The following CSMD1 variants were observed in gnomAD, a reference collection of about 807,000 sequenced individuals.
CSMD1 encodes CUB and Sushi multiple domains 1.
In CSMD1, 213 loss-of-function variants were observed where a neutral mutation model predicts 417.5. The ratio of observed to expected loss-of-function variants is 0.51; its 90% CI spans 0.46 to 0.57. The LOEUF is 0.57. Ranked by LOEUF, CSMD1 falls within the 20% of genes least tolerant of loss-of-function variation. CSMD1 has a pLI of 0.00. For missense variants in CSMD1, 6,923 were observed against 4,529.7 expected (o/e 1.53, Z -15.17); for synonymous variants, 2,862 against 1,736.8 (o/e 1.65, Z -16.11).
chr8:3,352,338 A>T (rs1808476754), intron 21 of CSMD1, among the ~76,000 whole-genome samples: 1 of 152,222 alleles, frequency 6.6e-6, no homozygotes. Context: ...AAAGACTTTA[A>T]ACAAAAACAC....
At chr8:4,388,163 T>C (rs1273520661) in intron 3 of CSMD1, among the ~76,000 whole-genome samples, 2 of 152,190 alleles carry the variant, frequency 1.3e-5, no homozygotes, top group African/African-American at 4.8e-5. Flanking sequence ...ACAGTCCCAC[T>C]AATGGGCATC....
At chr8:3,545,609 G>A (rs777481045) in intron 10 of CSMD1, among the ~76,000 whole-genome samples, 1 of 152,160 alleles carries the variant, frequency 6.6e-6, no homozygotes, top group Non-Finnish European at 1.5e-5. Flanking sequence ...GCTCTCCACT[G>A]CCGTAACCCA....
chr8:3,252,766 C>T (rs1047509122), intron 26 of CSMD1, among the ~76,000 whole-genome samples: 2 of 152,192 alleles, frequency 1.3e-5, no homozygotes, highest in Non-Finnish European at 2.9e-5. Context: ...TTCAGAGATT[C>T]AACTTCTTCC....
At position 3,052,664 on chromosome 8, in the gene CSMD1, C is replaced by A; in HGVS notation, c.7475-17G>T. On this transcript the variant is annotated splice_polypyrimidine_tract_variant and intron_variant, in intron 49 of 69. Transcript: ENST00000635120. ...AGGACACAGCTGAAAAGAAATGAAACAAATGTAGGCTTATTCTTACAGAAA... is the reference window on the plus strand; with the variant it reads ...AGGACACAGCTGAAAAGAAATGAAAAAAATGTAGGCTTATTCTTACAGAAA... 1.3e-6 allele frequency: 2 copies of A among 1,545,454 alleles called. No individual in the cohort carries two copies. Among genetic ancestry groups the A allele is most frequent in the Non-Finnish European group, 1.7e-6 (2 of 1,143,180 alleles).
At chr8:4,483,735 G>A (rs988695861) in intron 2 of CSMD1, among the ~76,000 whole-genome samples, 4 of 152,092 alleles carry the variant, frequency 2.6e-5, no homozygotes, top group Admixed American at 2.6e-4. Context: ...AACAGTTCTA[G>A]AAAATAATCC....
chr8:3,286,785 C>T (rs548997006), intron 25 of CSMD1, among the ~76,000 whole-genome samples: 34 of 152,204 alleles, frequency 2.2e-4, no homozygotes, highest in African/African-American at 7.5e-4. Flanking sequence ...AGTGTTGACT[C>T]TGATGGTAGT....
chr8:4,149,242 G>C (rs536838884), intron 3 of CSMD1, among the ~76,000 whole-genome samples: 1 of 152,028 alleles, frequency 6.6e-6, no homozygotes, highest in Non-Finnish European at 1.5e-5. Context: ...GAGATAACAG[G>C]CATAAGCCAC....
chr8:3,409,025 C>T (rs955340437), intron 13 of CSMD1, among the ~76,000 whole-genome samples: 2 of 152,030 alleles, frequency 1.3e-5, no homozygotes, highest in African/African-American at 4.8e-5. Flanking sequence ...AAACCAATAC[C>T]ACCACCCATG....
intron 3 of CSMD1, among the ~76,000 whole-genome samples, chr8:4,138,621 C>G (rs1221893778): frequency 2.3e-5 from 3 of 133,298 alleles, no homozygotes; most frequent in African/African-American, 7.4e-5. Context: ...AAAAATTAAA[C>G]AAAGGAAAAA....
chr8:3,972,446 A>T (rs895447919), intron 5 of CSMD1, among the ~76,000 whole-genome samples: 1 of 152,210 alleles, frequency 6.6e-6, no homozygotes, highest in African/African-American at 2.4e-5. Context: ...GGTCTTTGTA[A>T]ACAGTGATTC....
intron 3 of CSMD1, among the ~76,000 whole-genome samples, chr8:4,343,490 C>T (rs561624845): frequency 1.3e-5 from 2 of 151,954 alleles, no homozygotes; most frequent in African/African-American, 4.8e-5. Flanking sequence ...GATGTACATG[C>T]GTACATGATT....
Position 4,738,338 on chromosome 8 carries a change from G to A in CSMD1, c.86-100780C>T, listed in dbSNP as rs766506722. Among the ~76,000 whole-genome samples the A allele has an allele frequency of 7.2e-5, 11 of 152,148 alleles. No individual in the cohort carries two copies. The East Asian group carries it at 7.7e-4, about 11-fold the overall frequency. Reference sequence around the variant, plus strand: ...AATTGACTAACATTTCAGCATGGGCGAAGAGGCCTCAGAAAACTTTCAATC... The same window carrying A: ...AATTGACTAACATTTCAGCATGGGCAAAGAGGCCTCAGAAAACTTTCAATC... On this transcript the variant is annotated intron_variant, in intron 1 of 69. Transcript: ENST00000635120.
chr8:3,637,153 G>A (rs868198178), intron 7 of CSMD1, among the ~76,000 whole-genome samples: 1 of 152,100 alleles, frequency 6.6e-6, no homozygotes, highest in Non-Finnish European at 1.5e-5. Flanking sequence ...TTCTGTTATA[G>A]CAACACAAAA....
At chr8:4,869,733 C>T (rs185917700) in intron 1 of CSMD1, among the ~76,000 whole-genome samples, 43 of 152,078 alleles carry the variant, frequency 2.8e-4, no homozygotes, top group African/African-American at 1.0e-3. Flanking sequence ...AGTAATAAAA[C>T]GTTCCATGGA....
At position 3,208,663 on chromosome 8, in the gene CSMD1, G is replaced by A. The variant is rs573385902; in HGVS notation, c.4868-3043C>T. 1.2e-4 allele frequency among the ~76,000 whole-genome samples: 19 copies of A among 152,298 alleles called. No individual in the cohort carries two copies. The South Asian group carries it at 3.9e-3, about 32-fold the overall frequency. ...TGTCTGTGAGGGTGTTGCCCAAGGA[G>A]ATTAATATTTGAGTCAGTGGGCTGG... On this transcript the variant is annotated intron_variant, in intron 30 of 69. Coordinates refer to ENST00000635120, the MANE Select transcript of CSMD1 (RefSeq NM_033225.6).
At chr8:3,012,303 T>C (rs898206112) in intron 52 of CSMD1, among the ~76,000 whole-genome samples, 2 of 152,212 alleles carry the variant, frequency 1.3e-5, no homozygotes, top group Admixed American at 1.3e-4. Flanking sequence ...AAAATCATCT[T>C]TTCTTTCCTT....
rs535168869 is a variant in CSMD1, at chr8:4,446,903, G to A, written c.303-26838C>T. Among the ~76,000 whole-genome samples the A allele has an allele frequency of 6.0e-5, 9 of 151,258 alleles. No individual in the cohort carries two copies. The East Asian group carries it at 1.6e-3, about 26-fold the overall frequency. ...CCCAATGTTCTGGGATTACAGGCGT[G>A]AGCCATTGCGCCTGGCAGAGACCGT... On this transcript the variant is annotated intron_variant, in intron 2 of 69. Coordinates refer to ENST00000635120, the MANE Select transcript of CSMD1 (RefSeq NM_033225.6).
intron 1 of CSMD1, among the ~76,000 whole-genome samples, chr8:4,692,687 A>C (rs1348331574): frequency 6.6e-6 from 1 of 152,160 alleles, no homozygotes. Flanking sequence ...ACCATTTTAT[A>C]ACTGAAAAGT....
intron 11 of CSMD1, 55 bp downstream of exon 11, chr8:3,493,568 C>T (rs1055533493): frequency 1.4e-6 from 2 of 1,430,102 alleles, no homozygotes; most frequent in East Asian, 4.9e-5. Flanking sequence ...CATCTCCACC[C>T]ACCGTGCCCC....
Sources: allele counts gnomAD v4.1 joint callset (sites outside exome capture counted in the v4.1 genomes callset), GRCh38; gene constraint gnomAD v4.1.1; transcripts MANE v1.5; gene names NCBI Gene and HGNC (gene_info 2026-07-23, HGNC 2026-07-21).